The following CDKN2B-AS1 variants were observed in gnomAD, a reference collection of about 807,000 sequenced individuals.
CDKN2B-AS1 encodes CDKN2B and CDKN2A antisense cis and trans regulatory RNA 1.
At chr9:22,090,762 C>G (rs1203870124) in intron 4 of CDKN2B-AS1, among the ~76,000 whole-genome samples, 1 of 151,962 alleles carries the variant, frequency 6.6e-6, no homozygotes, top group African/African-American at 2.4e-5. Flanking sequence ...AATATTTTCT[C>G]CCATTCTGTA....
At chr9:22,021,040 T>C (rs1821993506) in intron 1 of CDKN2B-AS1, among the ~76,000 whole-genome samples, 1 of 152,160 alleles carries the variant, frequency 6.6e-6, no homozygotes, top group Non-Finnish European at 1.5e-5. Flanking sequence ...CTATCTTGAG[T>C]TAAGTTTTGT....
intron 1 of CDKN2B-AS1, chr9:22,008,621 C>T: frequency 1.2e-5 from 18 of 1,565,082 alleles, no homozygotes; most frequent in Non-Finnish European, 1.4e-5. Context: ...TTTTCAATGT[C>T]TCTCTTTAGG....
intron 1 of CDKN2B-AS1, among the ~76,000 whole-genome samples, chr9:22,024,734 T>C (rs1822161491): frequency 6.6e-6 from 1 of 152,302 alleles, no homozygotes. Context: ...TGTGCAGACA[T>C]GTGCCTGCAA....
At chr9:22,065,056 C>A (rs769443526) in intron 4 of CDKN2B-AS1, among the ~76,000 whole-genome samples, 2 of 152,088 alleles carry the variant, frequency 1.3e-5, no homozygotes, top group South Asian at 2.1e-4. Flanking sequence ...TTAGGGCTAC[C>A]CTTTAACAAA....
chr9:22,031,462 C>T (rs536975124), intron 1 of CDKN2B-AS1, among the ~76,000 whole-genome samples: 232 of 152,260 alleles, frequency 1.5e-3, no homozygotes, highest in Non-Finnish European at 1.1e-3. Flanking sequence ...GATAAAATCT[C>T]ATAGTAAATT....
At chr9:22,074,102 A>G (rs1371686720) in intron 4 of CDKN2B-AS1, among the ~76,000 whole-genome samples, 3 of 152,066 alleles carry the variant, frequency 2.0e-5, no homozygotes, top group African/African-American at 7.2e-5. Flanking sequence ...GGCTCAAGTG[A>G]TCTGCTCATC....
chr9:22,123,166 A>T (rs1326310236), intron 4 of CDKN2B-AS1, among the ~76,000 whole-genome samples: 1 of 152,100 alleles, frequency 6.6e-6, no homozygotes, highest in East Asian at 1.9e-4. Context: ...TTCATTGTTC[A>T]TGTATAGAAA....
intron 4 of CDKN2B-AS1, among the ~76,000 whole-genome samples, chr9:22,111,516 TA>T (rs1273300324): frequency 6.6e-6 from 1 of 152,176 alleles, no homozygotes; most frequent in African/African-American, 2.4e-5. Context: ...TACTTGGCAC[TA>T]CTATCTCTTT....
At chr9:22,027,679 T>C (rs1822298679) in intron 1 of CDKN2B-AS1, among the ~76,000 whole-genome samples, 1 of 152,230 alleles carries the variant, frequency 6.6e-6, no homozygotes, top group Non-Finnish European at 1.5e-5. Flanking sequence ...GTGTCTGTTA[T>C]GTCACAGGCA....
At chr9:22,067,240 T>C (rs1038197802) in intron 4 of CDKN2B-AS1, among the ~76,000 whole-genome samples, 11 of 152,068 alleles carry the variant, frequency 7.2e-5, no homozygotes, top group Admixed American at 3.3e-4. Flanking sequence ...CACTGCACAA[T>C]CTCTAGTATT....
At chr9:22,012,497 T>C (rs1221268897) in intron 1 of CDKN2B-AS1, 3 of 670,604 alleles carry the variant, frequency 4.5e-6, no homozygotes, top group East Asian at 3.1e-5. Context: ...CAAGAAGAAG[T>C]GTGGCCACAC....
chr9:22,036,965 A>C (rs1470157919), intron 1 of CDKN2B-AS1, among the ~76,000 whole-genome samples: 1 of 152,052 alleles, frequency 6.6e-6, no homozygotes, highest in Non-Finnish European at 1.5e-5. Context: ...CCCTGACATC[A>C]ATGTACCAGT....
At chr9:22,120,600 C>T (rs1327373978) in intron 4 of CDKN2B-AS1, 2 of 151,970 alleles carry the variant, frequency 1.3e-5, no homozygotes, top group Non-Finnish European at 2.9e-5. Context: ...TATCTCTCTA[C>T]TAATGGTTTT....
rs72651102 is a variant in CDKN2B-AS1 at position 22,081,496 on chromosome 9, C to T, written n.438+25109C>T. ...TGACACTTGAGTCACCTAAGTTCTTCTCTACTCCAGAGACTTGGCCCTGCC... is the reference window on the plus strand; with the variant it reads ...TGACACTTGAGTCACCTAAGTTCTTTTCTACTCCAGAGACTTGGCCCTGCC... On this transcript the variant is annotated intron_variant and non_coding_transcript_variant, in intron 4 of 4. Transcript: ENST00000650946. Among the ~76,000 whole-genome samples, 883 of 152,288 alleles carry T rather than the reference C, an allele frequency of 5.8e-3. 8 individuals are homozygous for T. The highest frequency in any genetic ancestry group is 9.4e-3 in the Non-Finnish European group (638 of 68,024).
intron 1 of CDKN2B-AS1, among the ~76,000 whole-genome samples, chr9:22,044,706 C>G (rs1186195297): frequency 6.6e-6 from 1 of 151,934 alleles, no homozygotes; most frequent in Non-Finnish European, 1.5e-5. Flanking sequence ...CCCCCTCCTT[C>G]CTGTGCCTGT....
At chr9:22,019,463 A>C (rs1384332784) in intron 1 of CDKN2B-AS1, among the ~76,000 whole-genome samples, 3 of 152,152 alleles carry the variant, frequency 2.0e-5, no homozygotes, top group Non-Finnish European at 4.4e-5. Flanking sequence ...CTGGAGATGG[A>C]AGATGAGGGA....
chr9:22,099,760 T>A (rs542909268), intron 4 of CDKN2B-AS1, among the ~76,000 whole-genome samples: 1 of 152,096 alleles, frequency 6.6e-6, no homozygotes, highest in East Asian at 1.9e-4. Flanking sequence ...AAAAAAGGAA[T>A]GTGCAGTACA....
intron 4 of CDKN2B-AS1, chr9:22,119,113 C>G (rs947851606): frequency 6.6e-6 from 1 of 151,422 alleles, no homozygotes; most frequent in African/African-American, 2.4e-5. Flanking sequence ...CCTCAGTTTC[C>G]TCATTCAATA....
At chr9:22,072,741 G>A (rs1824346919) in intron 4 of CDKN2B-AS1, among the ~76,000 whole-genome samples, 1 of 152,208 alleles carries the variant, frequency 6.6e-6, no homozygotes, top group African/African-American at 2.4e-5. Context: ...CTTGTGAGTT[G>A]ATGTACAGTG....
Sources: allele counts gnomAD v4.1 joint callset (sites outside exome capture counted in the v4.1 genomes callset), GRCh38; gene constraint gnomAD v4.1.1; transcripts MANE v1.5; gene names NCBI Gene and HGNC (gene_info 2026-07-23, HGNC 2026-07-21).